RNF217: variants seen among roughly 807,000 people sequenced by gnomAD.
The protein encoded by RNF217 is E3 ubiquitin-protein ligase RNF217.
In RNF217, 31 loss-of-function variants were observed where a neutral mutation model predicts 57.8. The observed-to-expected ratio is 0.54, with a 90% CI of 0.40 to 0.72. The LOEUF is 0.72. Ranked by LOEUF, RNF217 falls within the 30% of genes least tolerant of loss-of-function variation. The pLI is 0.00. For missense variants in RNF217, 696 were observed against 708.3 expected (o/e 0.98, Z 0.20); for synonymous variants, 313 against 294.0 (o/e 1.06, Z -0.66).
intron 1 of RNF217, among the ~76,000 whole-genome samples, chr6:125,035,727 C>A (rs796598504): frequency 4.6e-5 from 7 of 152,180 alleles, no homozygotes; most frequent in African/African-American, 1.7e-4. Flanking sequence ...TACTCTTTCC[C>A]AAGGTCATGA....
chr6:124,984,881 G>T (rs572451847), intron 1 of RNF217, among the ~76,000 whole-genome samples: 1 of 152,186 alleles, frequency 6.6e-6, no homozygotes, highest in East Asian at 1.9e-4. Flanking sequence ...TGAGACAAAA[G>T]ACAATTCACA....
chr6:125,040,315 C>A (rs1257547936), intron 1 of RNF217, among the ~76,000 whole-genome samples: 3 of 152,142 alleles, frequency 2.0e-5, no homozygotes, highest in Non-Finnish European at 4.4e-5. Flanking sequence ...TATAACACCT[C>A]TACACAAATA....
chr6:125,033,153 G>A (rs1434496622), intron 1 of RNF217, among the ~76,000 whole-genome samples: 2 of 149,058 alleles, frequency 1.3e-5, no homozygotes, highest in Non-Finnish European at 3.0e-5. Context: ...ACATTTCAGA[G>A]TTTGGATTTC....
In RNF217 at chr6:125,088,248, T is replaced by G. The variant is rs959519529; in HGVS notation, c.*5311T>G. On this transcript the variant is annotated 3_prime_UTR_variant, in exon 6 of 6. Transcript: ENST00000521654. ...GCATTAAAGTATTATCAGAACAAAA[T>G]CAGAGTTCCAAAATTTGGGGAGTAT... The G allele has an allele frequency of 2.0e-5, 3 of 152,112 alleles. No individual in the cohort carries two copies. The highest frequency in any genetic ancestry group is 7.2e-5 in the African/African-American group (3 of 41,452). The allele number at this position is 152,112 out of a possible 1,614,324, so 9.4% of individuals were successfully genotyped here.
At chr6:125,001,410 C>A (rs1784977051) in intron 1 of RNF217, among the ~76,000 whole-genome samples, 2 of 152,154 alleles carry the variant, frequency 1.3e-5, no homozygotes, top group Admixed American at 1.3e-4. Flanking sequence ...AATGAAGGAA[C>A]TAGTGAAGTC....
intron 1 of RNF217, among the ~76,000 whole-genome samples, chr6:124,967,756 A>G (rs1427468734): frequency 6.6e-6 from 1 of 152,080 alleles, no homozygotes; most frequent in African/African-American, 2.4e-5. Flanking sequence ...CCAAATCTTC[A>G]TGGGTAAAAG....
chr6:125,059,135 A>T (rs1250442687), intron 3 of RNF217, among the ~76,000 whole-genome samples: 2 of 151,892 alleles, frequency 1.3e-5, no homozygotes, highest in South Asian at 4.1e-4. Flanking sequence ...GTTTATAAAT[A>T]TAGTAAGGAA....
At chr6:125,032,727 G>T (rs1786414475) in intron 1 of RNF217, among the ~76,000 whole-genome samples, 1 of 152,008 alleles carries the variant, frequency 6.6e-6, no homozygotes, top group Admixed American at 6.6e-5. Flanking sequence ...GATCATTTTT[G>T]AGCTTATTTT....
chr6:125,021,317 A>G (rs1443632465), intron 1 of RNF217, among the ~76,000 whole-genome samples: 1 of 146,440 alleles, frequency 6.8e-6, no homozygotes, highest in South Asian at 2.2e-4. Context: ...CCAAGGCTGG[A>G]GTGCAATGGC....
At chr6:125,050,035 A>G (rs2114554400) in intron 2 of RNF217, among the ~76,000 whole-genome samples, 1 of 152,038 alleles carries the variant, frequency 6.6e-6, no homozygotes, top group East Asian at 1.9e-4. Flanking sequence ...AAATGAAAAA[A>G]ATATTCTTTG....
intron 1 of RNF217, among the ~76,000 whole-genome samples, chr6:125,028,293 C>A (rs1786196319): frequency 6.6e-6 from 1 of 152,000 alleles, no homozygotes; most frequent in Non-Finnish European, 1.5e-5. Context: ...CACAGGTGAA[C>A]AACACACAAA....
chr6:125,043,585 A>G (rs1050657997), intron 1 of RNF217, among the ~76,000 whole-genome samples: 1 of 152,210 alleles, frequency 6.6e-6, no homozygotes, highest in Non-Finnish European at 1.5e-5. Flanking sequence ...TTTAAGTTAT[A>G]AACTTCATTA....
chr6:125,044,873 A>T (rs1180381027), intron 1 of RNF217, among the ~76,000 whole-genome samples: 1 of 152,112 alleles, frequency 6.6e-6, no homozygotes, highest in African/African-American at 2.4e-5. Flanking sequence ...CAGTTGGTGC[A>T]TCATCTGAAT....
chr6:124,972,987 C>T (rs1432993769), intron 1 of RNF217, among the ~76,000 whole-genome samples: 1 of 152,172 alleles, frequency 6.6e-6, no homozygotes, highest in Non-Finnish European at 1.5e-5. Flanking sequence ...TTTCCTAACA[C>T]TTTGTGTGTT....
chr6:125,061,850 T>G (rs1010424334), intron 3 of RNF217, among the ~76,000 whole-genome samples: 1 of 151,990 alleles, frequency 6.6e-6, no homozygotes, highest in African/African-American at 2.4e-5. Context: ...TCAATTTTCT[T>G]TCTTTATTTG....
chr6:125,024,347 C>A (rs907325146), intron 1 of RNF217, among the ~76,000 whole-genome samples: 4 of 152,146 alleles, frequency 2.6e-5, no homozygotes, highest in Non-Finnish European at 5.9e-5. Context: ...CTTTGGGAGG[C>A]TGAGGCAGGC....
At chr6:125,040,559 A>C (rs1353363901) in intron 1 of RNF217, among the ~76,000 whole-genome samples, 1 of 152,184 alleles carries the variant, frequency 6.6e-6, no homozygotes, top group South Asian at 2.1e-4. Flanking sequence ...AAACAATTGA[A>C]AAGGAGGGAC....
At chr6:124,985,648 C>T (rs1784341911) in intron 1 of RNF217, among the ~76,000 whole-genome samples, 1 of 151,906 alleles carries the variant, frequency 6.6e-6, no homozygotes, top group Non-Finnish European at 1.5e-5. Flanking sequence ...AGTTTCAAAG[C>T]AGTGGAATTT....
At chr6:125,005,697 A>G (rs1232782332) in intron 1 of RNF217, among the ~76,000 whole-genome samples, 1 of 152,224 alleles carries the variant, frequency 6.6e-6, no homozygotes, top group African/African-American at 2.4e-5. Flanking sequence ...TTCATGTACC[A>G]TATTACATTC....
Sources: allele counts gnomAD v4.1 joint callset (sites outside exome capture counted in the v4.1 genomes callset), GRCh38; gene constraint gnomAD v4.1.1; transcripts MANE v1.5; gene names NCBI Gene and HGNC (gene_info 2026-07-23, HGNC 2026-07-21).